DPEP1: variants seen among roughly 807,000 people sequenced by gnomAD.
DPEP1 encodes the protein dipeptidase 1.
In DPEP1, 50 loss-of-function variants were observed where a neutral mutation model predicts 42.3. That is an observed-to-expected ratio of 1.18 (90% CI 0.94 to 1.50). DPEP1 has a LOEUF of 1.50. Among genes scored for constraint, DPEP1 ranks in the 40% most tolerant of loss-of-function variants. The pLI is 0.00. For missense variants in DPEP1, 663 were observed against 553.0 expected (o/e 1.20, Z -1.99); for synonymous variants, 297 against 234.0 (o/e 1.27, Z -2.46).
chr16:89,625,434 G>A (rs937342019), intron 1 of DPEP1, among the ~76,000 whole-genome samples: 2 of 152,168 alleles, frequency 1.3e-5, no homozygotes, highest in Admixed American at 1.3e-4. Context: ...CCGTCCCCAT[G>A]ACACAAAACC....
chr16:89,637,136 C>T lies in DPEP1; in HGVS notation c.592-68C>T, dbSNP rs1567992900. ...CGAAGGATGATGACTCACATCTGGT[C>T]CAGCCCGTCCACCTCCGCAGCCCCG... On this transcript the variant is annotated intron_variant, in intron 6 of 10. Transcript: ENST00000690203. The T allele has an allele frequency of 3.2e-6, 5 of 1,566,462 alleles. No individual in the cohort carries two copies. The Admixed American group carries it at 5.5e-5, about 17-fold the overall frequency.
chr16:89,640,746 G>A, downstream of DPEP1: 1 of 521,348 alleles, frequency 1.9e-6, no homozygotes, highest in Non-Finnish European at 2.5e-6. Context: ...TATTTGTAGG[G>A]TCCTACAGGG....
chr16:89,619,759 T>C lies in DPEP1; in HGVS notation c.-107+6040T>C, dbSNP rs9673334. Among the ~76,000 whole-genome samples, 5 of 162 alleles carry C rather than the reference T, an allele frequency of 0.031. No individual in the cohort carries two copies. In the East Asian group the frequency reaches 0.5, roughly 16 times the overall value. The allele number at this position is 162 out of a possible 152,430, so 0.1% of individuals were successfully genotyped here. Reference sequence around the variant, plus strand: ...CCTCCCTGCAGCCTGCTGTGCCCCCTGCTCCCCTCCCTGCAGCCCCCTGCA... The same window carrying C: ...CCTCCCTGCAGCCTGCTGTGCCCCCCGCTCCCCTCCCTGCAGCCCCCTGCA... On this transcript the variant is annotated intron_variant, in intron 1 of 10. Coordinates refer to ENST00000690203, the MANE Select transcript of DPEP1 (RefSeq NM_001389466.1).
At chr16:89,627,412 GTC>G (rs961972990) in intron 1 of DPEP1, among the ~76,000 whole-genome samples, 2 of 151,570 alleles carry the variant, frequency 1.3e-5, no homozygotes, top group Non-Finnish European at 2.9e-5. Flanking sequence ...ATGAAACCCT[GTC>G]TCTACTAAAA....
rs759802775 is a variant in DPEP1, at chr16:89,637,466, A to G, written c.769-2A>G. 1 of 1,612,822 alleles carries G rather than the reference A, an allele frequency of 6.2e-7. No homozygotes were observed. Among genetic ancestry groups the G allele is most frequent in the African/African-American group, 1.3e-5 (1 of 75,052 alleles). On this transcript the variant is annotated splice_acceptor_variant, in intron 7 of 10. Coordinates refer to ENST00000690203, the MANE Select transcript of DPEP1 (RefSeq NM_001389466.1). LOFTEE classifies it high-confidence loss of function. ...CTTCACCCTGTCTTCCTTCTTGTGC[A>G]GAAACAGACAGACAGCCTGGTGATG...
At chr16:89,627,986 A>G (rs570267489) in intron 1 of DPEP1, among the ~76,000 whole-genome samples, 10 of 151,974 alleles carry the variant, frequency 6.6e-5, no homozygotes, top group Admixed American at 4.6e-4. Flanking sequence ...GCAGTGGTGC[A>G]ATCTCGGCTC....
downstream of DPEP1, among the ~76,000 whole-genome samples, chr16:89,640,956 C>CCAGTGAT (rs1265088152): frequency 6.6e-6 from 1 of 152,168 alleles, no homozygotes; most frequent in African/African-American, 2.4e-5. Flanking sequence ...TGAGCCATCT[C>CCAGTGAT]CAGTGATTGA....
chr16:89,615,114 C>T (rs952147845), intron 1 of DPEP1, among the ~76,000 whole-genome samples: 1 of 152,200 alleles, frequency 6.6e-6, no homozygotes, highest in Non-Finnish European at 1.5e-5. Context: ...CTCTAAAATA[C>T]CTCCCGCTGG....
chr16:89,631,357 C>G (rs1012782242), intron 2 of DPEP1, among the ~76,000 whole-genome samples: 24 of 152,196 alleles, frequency 1.6e-4, no homozygotes, highest in Non-Finnish European at 3.2e-4. Context: ...GCCCAGTGCC[C>G]CGACACTGGG....
chr16:89,639,332 C>T (rs1218590394), downstream of DPEP1, among the ~76,000 whole-genome samples: 3 of 27,006 alleles, frequency 1.1e-4, no homozygotes, highest in African/African-American at 3.7e-4. Context: ...CATCCCTGCT[C>T]ACATACCCCA....
chr16:89,614,565 T>A (rs538090539), intron 1 of DPEP1, among the ~76,000 whole-genome samples: 2 of 151,822 alleles, frequency 1.3e-5, no homozygotes, highest in African/African-American at 4.8e-5. Flanking sequence ...GAGGCCGAGG[T>A]GGGCAGATCA....
chr16:89,618,724 CT>C (rs1455806898), intron 1 of DPEP1, among the ~76,000 whole-genome samples: 1 of 152,070 alleles, frequency 6.6e-6, no homozygotes, highest in Non-Finnish European at 1.5e-5. Flanking sequence ...TCTCAGACTC[CT>C]GAGCTTAAGT....
intron 1 of DPEP1, among the ~76,000 whole-genome samples, chr16:89,624,511 C>T (rs1232305170): frequency 6.6e-6 from 1 of 150,996 alleles, no homozygotes; most frequent in Non-Finnish European, 1.5e-5. Flanking sequence ...GTGAGAGGGG[C>T]GCTGTTACAT....
intron 1 of DPEP1, among the ~76,000 whole-genome samples, chr16:89,620,066 C>T (rs1332677526): frequency 6.6e-6 from 1 of 150,780 alleles, no homozygotes; most frequent in African/African-American, 2.4e-5. Context: ...CCAGCCTGGT[C>T]TCCAGCTCAG....
At chr16:89,625,300 G>C (rs756268335) in intron 1 of DPEP1, among the ~76,000 whole-genome samples, 74 of 152,230 alleles carry the variant, frequency 4.9e-4, no homozygotes, top group Admixed American at 8.5e-4. Context: ...CCTGCTCCCA[G>C]GGCATCACGT....
intron 2 of DPEP1, 66 bp from the exon 3 acceptor site, chr16:89,635,842 G>T: frequency 1.3e-6 from 2 of 1,516,966 alleles, no homozygotes; most frequent in South Asian, 1.3e-5. Context: ...CAGAGGCCAG[G>T]AGCTCGGAAG....
intron 1 of DPEP1, among the ~76,000 whole-genome samples, chr16:89,614,324 C>G (rs1018383045): frequency 6.6e-6 from 1 of 152,298 alleles, no homozygotes; most frequent in South Asian, 2.1e-4. Flanking sequence ...ACTCAGCTCA[C>G]GTACCCCTTC....
intron 1 of DPEP1, among the ~76,000 whole-genome samples, chr16:89,614,380 C>T (rs1320161640): frequency 1.3e-5 from 2 of 152,206 alleles, no homozygotes; most frequent in African/African-American, 2.4e-5. Context: ...GCCGAGTCCC[C>T]GGACTTACTC....
In DPEP1 at chr16:89,630,434, G is replaced by A; in HGVS notation, c.24G>A (p.Trp8Ter). The change falls in exon 2 of 11, where the codon TGG (tryptophan) becomes TGA (stop). Residue 8 changes from tryptophan (W) to a stop codon, truncating the protein, a stop_gained. Transcript: ENST00000690203. LOFTEE classifies it high-confidence loss of function. Reference protein sequence around the residue: MWSGWWLWPLVAVCTADF... With the variant: MWSGWWL ...CCATGTGGAGCGGATGGTGGCTGTG[G>A]CCCCTTGTGGCCGTCTGCACTGCAG... 1 of 1,611,272 alleles carries A rather than the reference G, an allele frequency of 6.2e-7. No individual in the cohort carries two copies. The highest frequency in any genetic ancestry group is 8.5e-7 in the Non-Finnish European group (1 of 1,178,950).
Sources: gnomAD v4.1 joint callset for allele counts (sites outside exome capture counted in the v4.1 genomes callset) on GRCh38, gnomAD v4.1.1 for gene constraint, MANE v1.5 for transcripts, NCBI Gene and HGNC (gene_info 2026-07-23, HGNC 2026-07-21) for gene names.